Variants in NELL1 observed in about 807,000 individuals in gnomAD.
The protein encoded by NELL1 is protein kinase C-binding protein NELL1.
A neutral mutation model predicts 107.4 loss-of-function variants in NELL1; 76 were observed. That is an observed-to-expected ratio of 0.71 (90% CI 0.59 to 0.86). The LOEUF (loss-of-function observed/expected upper bound fraction) is 0.86, where lower values mean the gene tolerates loss of function less well. NELL1 is among the 40% of genes least tolerant of loss of function. The probability of loss-of-function intolerance (pLI) is 0.00; values close to 1 mark genes in which losing one functional copy is unlikely to be tolerated. For missense variants in NELL1, 1,024 were observed against 1,005.5 expected, an observed-to-expected ratio of 1.02 and a Z score of -0.25; for synonymous variants, 353 against 341.2, an observed-to-expected ratio of 1.03 and a Z score of -0.38.
intron 13 of NELL1, among the ~76,000 whole-genome samples, chr11:21,136,116 T>C (rs181818566): frequency 6.6e-6 from 1 of 152,266 alleles, no homozygotes; most frequent in East Asian, 1.9e-4. Flanking sequence ...TAGGGGAAGA[T>C]CTAGTGAGGC....
At chr11:20,837,436 A>C (rs376293073) in intron 3 of NELL1, among the ~76,000 whole-genome samples, 1 of 152,252 alleles carries the variant, frequency 6.6e-6, no homozygotes, top group African/African-American at 2.4e-5. Flanking sequence ...ATACACACAC[A>C]TATATTTCTT....
At chr11:21,253,944 AG>A (rs1858705508) in intron 14 of NELL1, among the ~76,000 whole-genome samples, 1 of 152,096 alleles carries the variant, frequency 6.6e-6, no homozygotes, top group Non-Finnish European at 1.5e-5. Context: ...AGGACTAGGA[AG>A]GTTTGAAGAA....
intron 14 of NELL1, among the ~76,000 whole-genome samples, chr11:21,349,782 C>T (rs567110071): frequency 1.3e-5 from 2 of 152,204 alleles, no homozygotes; most frequent in South Asian, 4.1e-4. Context: ...TGGTGACCTA[C>T]TGTAGTGAAC....
intron 15 of NELL1, among the ~76,000 whole-genome samples, chr11:21,421,711 G>C (rs1275255254): frequency 6.6e-6 from 1 of 152,116 alleles, no homozygotes; most frequent in East Asian, 1.9e-4. Context: ...GAGAGAAAAA[G>C]GAGCAGAGAG....
chr11:20,673,066 T>G (rs1468448970), intron 1 of NELL1, among the ~76,000 whole-genome samples: 1 of 150,972 alleles, frequency 6.6e-6, no homozygotes, highest in Non-Finnish European at 1.5e-5. Context: ...TTCTTCATAT[T>G]GGTCAGGCTG....
intron 9 of NELL1, among the ~76,000 whole-genome samples, chr11:20,931,239 G>C (rs1478178986): frequency 6.6e-6 from 1 of 152,114 alleles, no homozygotes; most frequent in Non-Finnish European, 1.5e-5. Flanking sequence ...ACCGGGGGAA[G>C]GCCTGGGATG....
At chr11:20,863,880 C>T (rs1007730314) in intron 4 of NELL1, among the ~76,000 whole-genome samples, 3 of 152,158 alleles carry the variant, frequency 2.0e-5, no homozygotes, top group Non-Finnish European at 2.9e-5. Flanking sequence ...CGGAAGCTGG[C>T]GGATCACTCG....
intron 12 of NELL1, among the ~76,000 whole-genome samples, chr11:20,985,810 C>CT (rs1291653341): frequency 3.3e-5 from 5 of 152,238 alleles, no homozygotes; most frequent in African/African-American, 9.6e-5. Flanking sequence ...TTGTGCTGTA[C>CT]TTTTTTTATG....
chr11:20,720,498 T>C (rs1715265), intron 2 of NELL1, among the ~76,000 whole-genome samples: 128,652 of 152,124 alleles, frequency 0.85, 54,623 homozygotes, highest in East Asian at 0.95. Flanking sequence ...TGAGCCACTG[T>C]GCCCAGCCTC....
intron 14 of NELL1, among the ~76,000 whole-genome samples, chr11:21,334,862 G>A (rs1448357712): frequency 1.3e-5 from 2 of 151,916 alleles, no homozygotes; most frequent in Non-Finnish European, 2.9e-5. Context: ...AGGAGATTGA[G>A]AGCAGGTACT....
At chr11:21,188,911 A>G (rs981053742) in intron 13 of NELL1, among the ~76,000 whole-genome samples, 7 of 151,886 alleles carry the variant, frequency 4.6e-5, no homozygotes, top group African/African-American at 1.5e-4. Flanking sequence ...ATTGAATCCT[A>G]TCAAATCTTA....
chr11:21,275,815 G>A (rs753779162), intron 14 of NELL1, among the ~76,000 whole-genome samples: 51 of 152,202 alleles, frequency 3.4e-4, no homozygotes, highest in South Asian at 4.1e-4. Flanking sequence ...GATTATCTCA[G>A]TAGATGCAGA....
At chr11:21,570,673 G>T in intron 17 of NELL1, 91 bp from the exon 18 acceptor site, 1 of 1,255,748 alleles carries the variant, frequency 8.0e-7, no homozygotes, top group Non-Finnish European at 1.1e-6. Flanking sequence ...TGGCCAGGGG[G>T]TGACCAAACA....
intron 5 of NELL1, among the ~76,000 whole-genome samples, chr11:20,893,280 G>A (rs189047632): frequency 6.6e-6 from 1 of 151,376 alleles, no homozygotes; most frequent in Admixed American, 6.6e-5. Flanking sequence ...TGAGGGGAGG[G>A]AATTTAGAGG....
At chr11:21,112,932 C>T (rs894274388) in intron 12 of NELL1, among the ~76,000 whole-genome samples, 1 of 151,982 alleles carries the variant, frequency 6.6e-6, no homozygotes, top group Admixed American at 6.6e-5. Context: ...TTATTTTAAT[C>T]CCTATCACGA....
At chr11:20,723,681 T>G (rs572616561) in intron 2 of NELL1, among the ~76,000 whole-genome samples, 1 of 152,040 alleles carries the variant, frequency 6.6e-6, no homozygotes, top group Non-Finnish European at 1.5e-5. Flanking sequence ...ATCTAGAGAA[T>G]GGTGGCCCTC....
chr11:20,873,049 T>C (rs1038978648), intron 4 of NELL1, among the ~76,000 whole-genome samples: 2 of 152,184 alleles, frequency 1.3e-5, no homozygotes, highest in Non-Finnish European at 2.9e-5. Flanking sequence ...TTTTGATTTA[T>C]TATCACTGGA....
intron 12 of NELL1, among the ~76,000 whole-genome samples, chr11:20,991,945 A>G (rs932166791): frequency 6.7e-6 from 1 of 149,966 alleles, no homozygotes; most frequent in African/African-American, 2.5e-5. Context: ...GAAAGGGCAT[A>G]ACAACCCCTC....
intron 15 of NELL1, among the ~76,000 whole-genome samples, chr11:21,486,380 G>A (rs1239509601): frequency 6.6e-6 from 1 of 152,142 alleles, no homozygotes; most frequent in African/African-American, 2.4e-5. Context: ...GCTGCTTATA[G>A]GCCAGGAAAT....
Sources: allele counts gnomAD v4.1 joint callset (sites outside exome capture counted in the v4.1 genomes callset), GRCh38; gene constraint gnomAD v4.1.1; transcripts MANE v1.5; gene names NCBI Gene and HGNC (gene_info 2026-07-23, HGNC 2026-07-21).